CLDN10: variants seen among roughly 807,000 people sequenced by gnomAD.
The protein encoded by CLDN10 is claudin 10.
A neutral mutation model predicts 22.9 loss-of-function variants in CLDN10; 15 were observed. The ratio of observed to expected loss-of-function variants is 0.65; its 90% confidence interval spans 0.44 to 1.01. The LOEUF (loss-of-function observed/expected upper bound fraction) is 1.01. Among genes scored for constraint, CLDN10 ranks in the 50% least tolerant of loss-of-function variants. The pLI is 0.00. For missense variants in CLDN10, 247 were observed against 287.8 expected, an observed-to-expected ratio of 0.86 and a Z score of 1.03; for synonymous variants, 114 against 111.4, an observed-to-expected ratio of 1.02 and a Z score of -0.15.
chr13:95,435,452 A>C (rs1283690902), intron 1 of CLDN10, among the ~76,000 whole-genome samples: 1 of 152,190 alleles, frequency 6.6e-6, no homozygotes, highest in Non-Finnish European at 1.5e-5. Context: ...GAGAATACTT[A>C]ACTAAATCCA....
intron 1 of CLDN10, among the ~76,000 whole-genome samples, chr13:95,458,187 G>A (rs1382929344): frequency 6.6e-6 from 1 of 152,164 alleles, no homozygotes; most frequent in Non-Finnish European, 1.5e-5. Context: ...GTAGACCTCT[G>A]ATTGTATCAT....
At chr13:95,434,715 T>A (rs2042249954) in intron 1 of CLDN10, among the ~76,000 whole-genome samples, 1 of 151,968 alleles carries the variant, frequency 6.6e-6, no homozygotes, top group Non-Finnish European at 1.5e-5. Context: ...TCAAACTGGC[T>A]TTTAAAACAA....
At chr13:95,527,151 A>T (rs2043290122) in intron 1 of CLDN10, among the ~76,000 whole-genome samples, 1 of 152,092 alleles carries the variant, frequency 6.6e-6, no homozygotes, top group Non-Finnish European at 1.5e-5. Context: ...TCTGCGATAT[A>T]ATTTGGGTTG....
At chr13:95,465,876 G>GTCAAAT (rs768711735) in intron 1 of CLDN10, among the ~76,000 whole-genome samples, 2 of 152,066 alleles carry the variant, frequency 1.3e-5, no homozygotes, top group Non-Finnish European at 2.9e-5. Flanking sequence ...TAATGAACTT[G>GTCAAAT]GATTTTGTCA....
chr13:95,448,719 GTATTTTATTT>G (rs59288111), intron 1 of CLDN10, among the ~76,000 whole-genome samples: 33 of 144,214 alleles, frequency 2.3e-4, no homozygotes, highest in South Asian at 2.1e-3. Context: ...CTAAGCCATA[GTATTTTATTT>G]TATTTTATTT....
At chr13:95,464,721 A>G (rs1441021595) in intron 1 of CLDN10, among the ~76,000 whole-genome samples, 13 of 147,790 alleles carry the variant, frequency 8.8e-5, no homozygotes, top group African/African-American at 3.2e-4. Flanking sequence ...TGCACATTTC[A>G]AAGATACTGT....
At chr13:95,513,626 G>A (rs897134558) in intron 1 of CLDN10, among the ~76,000 whole-genome samples, 3 of 152,038 alleles carry the variant, frequency 2.0e-5, no homozygotes, top group African/African-American at 7.2e-5. Flanking sequence ...GAGAAACTGA[G>A]AAAATGAAAA....
intron 1 of CLDN10, among the ~76,000 whole-genome samples, chr13:95,524,860 T>C (rs2043262978): frequency 9.2e-6 from 1 of 108,874 alleles, no homozygotes; most frequent in South Asian, 2.9e-4. Flanking sequence ...TATTTATTTA[T>C]TTTTATTTTT....
intron 1 of CLDN10, among the ~76,000 whole-genome samples, chr13:95,499,982 T>C (rs1247277531): frequency 6.6e-6 from 1 of 152,188 alleles, no homozygotes; most frequent in East Asian, 1.9e-4. Context: ...CAAATTTGTG[T>C]TGAGCCTCAT....
Position 95,441,522 on chromosome 13 carries a change from T to C in CLDN10, c.214+7475T>C, listed in dbSNP as rs1292005486. Among the ~76,000 whole-genome samples, 10 of 152,310 alleles carry C rather than the reference T, an allele frequency of 6.6e-5. No homozygotes were observed. The South Asian group carries it at 1.7e-3, about 25-fold the overall frequency. ...TCCCAAAGTGCTGGGATTATAAGCATGAGCCACCACACCTGGCCTGCCATG... is the reference window on the plus strand; with the variant it reads ...TCCCAAAGTGCTGGGATTATAAGCACGAGCCACCACACCTGGCCTGCCATG... On this transcript the variant is annotated intron_variant, in intron 1 of 4. Transcript: ENST00000376873.
intron 1 of CLDN10, among the ~76,000 whole-genome samples, chr13:95,507,513 G>A (rs764029518): frequency 3.3e-5 from 5 of 151,956 alleles, no homozygotes; most frequent in East Asian, 1.9e-4. Flanking sequence ...GGTCAGGTGC[G>A]GTGTTTCACT....
intron 1 of CLDN10, among the ~76,000 whole-genome samples, chr13:95,541,515 CCT>C (rs1179563049): frequency 1.3e-5 from 2 of 152,124 alleles, no homozygotes; most frequent in Non-Finnish European, 2.9e-5. Context: ...TTCTGTTTCC[CCT>C]GTTCCTTCTT....
At chr13:95,489,200 T>G (rs2138512495) in intron 1 of CLDN10, among the ~76,000 whole-genome samples, 1 of 152,044 alleles carries the variant, frequency 6.6e-6, no homozygotes, top group East Asian at 1.9e-4. Flanking sequence ...CCACCTGCCT[T>G]GGCCTCCCAA....
At chr13:95,452,009 C>A (rs1327730382) in intron 1 of CLDN10, among the ~76,000 whole-genome samples, 3 of 152,232 alleles carry the variant, frequency 2.0e-5, no homozygotes, top group Non-Finnish European at 4.4e-5. Context: ...GCGGCTCACC[C>A]TGGTTCTCAA....
At chr13:95,501,673 T>C (rs1320952102) in intron 1 of CLDN10, among the ~76,000 whole-genome samples, 1 of 152,210 alleles carries the variant, frequency 6.6e-6, no homozygotes, top group Admixed American at 6.5e-5. Context: ...ATATTGCAAG[T>C]GCATTCTTTA....
At chr13:95,454,984 G>C (rs745421338) in intron 1 of CLDN10, among the ~76,000 whole-genome samples, 1 of 152,048 alleles carries the variant, frequency 6.6e-6, no homozygotes, top group Non-Finnish European at 1.5e-5. Context: ...GCCACAAGTT[G>C]GAGACCAGCC....
chr13:95,471,453 AT>A lies in CLDN10; in HGVS notation c.214+37423del, dbSNP rs1555289822. On this transcript the variant is annotated intron_variant, in intron 1 of 4. Transcript: ENST00000376873. ...CACACACACACACATATATATATATATTTTTTTTTTTTTTTTTGAGATGGAG... is the reference window on the plus strand; with the variant it reads ...CACACACACACACATATATATATATATTTTTTTTTTTTTTTTGAGATGGAG... 9.0e-3 allele frequency among the ~76,000 whole-genome samples: 961 copies of A among 106,374 alleles called. 11 individuals are homozygous for A. Among genetic ancestry groups the A allele is most frequent in the East Asian group, 0.023 (79 of 3,470 alleles). 69.8% of individuals were successfully genotyped at this position (106,374 alleles called of 152,430 possible). A position where few individuals can be genotyped will look rare whatever the true frequency, so the allele number is the denominator to read the frequency against.
chr13:95,505,938 C>T (rs926791597), intron 1 of CLDN10, among the ~76,000 whole-genome samples: 17 of 152,036 alleles, frequency 1.1e-4, no homozygotes, highest in African/African-American at 3.4e-4. Context: ...TGGGGTTTCA[C>T]CAGGTTGGCC....
intron 1 of CLDN10, among the ~76,000 whole-genome samples, chr13:95,502,084 C>T (rs2042992167): frequency 6.6e-6 from 1 of 152,164 alleles, no homozygotes; most frequent in African/African-American, 2.4e-5. Context: ...CCCCCACACC[C>T]AATCCTTTAA....
Sources: gnomAD v4.1 joint callset for allele counts (sites outside exome capture counted in the v4.1 genomes callset) on GRCh38, gnomAD v4.1.1 for gene constraint, MANE v1.5 for transcripts, NCBI Gene and HGNC (gene_info 2026-07-23, HGNC 2026-07-21) for gene names.